CABIN1: variants seen among roughly 807,000 people sequenced by gnomAD.
The protein encoded by CABIN1 is calcineurin binding protein 1, also known as calcineurin-binding protein cabin-1.
CABIN1 carries 133 observed loss-of-function variants against 227.7 expected under a neutral mutation model. The observed-to-expected ratio is 0.58, with a 90% confidence interval of 0.51 to 0.67. CABIN1 has a LOEUF of 0.67. CABIN1 is among the 30% of genes least tolerant of loss of function. CABIN1 has a pLI of 0.00. For missense variants in CABIN1, 2,408 were observed against 2,852.5 expected (o/e 0.84, Z 3.55); for synonymous variants, 1,086 against 1,155.1 (o/e 0.94, Z 1.21).
At chr22:24,055,202 C>T (rs758085946) in intron 9 of CABIN1, 43 bp downstream of exon 9, 7 of 1,598,044 alleles carry the variant, frequency 4.4e-6, no homozygotes, top group Non-Finnish European at 5.9e-6. Context: ...AGACCCCGTT[C>T]ACTGAGCCCA....
chr22:24,083,606 A>G (rs2077131457), intron 20 of CABIN1, among the ~76,000 whole-genome samples: 1 of 152,176 alleles, frequency 6.6e-6, no homozygotes, highest in African/African-American at 2.4e-5. Context: ...AATGTTGACT[A>G]ATATGTAGAA....
chr22:24,119,608 C>A lies in CABIN1; in HGVS notation c.4542C>A (p.Ala1514=). 1 of 1,613,732 alleles carries A rather than the reference C, an allele frequency of 6.2e-7. No homozygotes were observed. The highest frequency in any genetic ancestry group is 1.1e-5 in the South Asian group (1 of 91,082). ...QRQFLTEQCI[A]SFRLCLSRFP... The stretch of plus-strand genomic sequence containing the variant: ...AGTTTCTCACAGAGCAGTGCATCGC[C>A]TCCTTCCGCCTGTGCCTGAGCCGCT... Residue 1514 remains alanine (A), a synonymous_variant, in exon 28 of 37, where the codon GCC becomes GCA. Coordinates refer to ENST00000263119, the MANE Select transcript of CABIN1 (RefSeq NM_012295.4).
intron 27 of CABIN1, among the ~76,000 whole-genome samples, chr22:24,114,425 A>C (rs1047364823): frequency 6.6e-5 from 10 of 151,974 alleles, no homozygotes; most frequent in African/African-American, 2.4e-4. Context: ...TTCCTCAAAC[A>C]GTAATAACAA....
Position 24,094,540 on chromosome 22 carries a change from G to A in CABIN1, c.3787-1391G>A, listed in dbSNP as rs371332373. On this transcript the variant is annotated intron_variant, in intron 24 of 36. Transcript: ENST00000263119. ...TGTGTTAAAAATGACATTTCTGGCC[G>A]GGCGCGGTGGCTCACGCCTGTAATT... Among the ~76,000 whole-genome samples the A allele has an allele frequency of 5.3e-5, 8 of 152,254 alleles. No homozygotes were observed. In the East Asian group the frequency reaches 5.8e-4, roughly 11 times the overall value.
intron 33 of CABIN1, among the ~76,000 whole-genome samples, chr22:24,169,937 C>T (rs1336630254): frequency 3.9e-5 from 6 of 152,198 alleles, no homozygotes; most frequent in African/African-American, 1.4e-4. Context: ...CAGAGATTTC[C>T]GTCAGAGACC....
At chr22:24,112,857 G>C (rs759942436) in intron 26 of CABIN1, among the ~76,000 whole-genome samples, 8 of 152,106 alleles carry the variant, frequency 5.3e-5, no homozygotes, top group Non-Finnish European at 1.2e-4. Context: ...GAAGGCTTCT[G>C]TTCCTCCAGG....
intron 27 of CABIN1, among the ~76,000 whole-genome samples, chr22:24,115,769 T>C (rs933584484): frequency 5.9e-5 from 9 of 152,190 alleles, no homozygotes; most frequent in African/African-American, 2.2e-4. Flanking sequence ...CAGTGTTGAG[T>C]GCGGGCCCCA....
At chr22:24,161,265 C>CT (rs1451165730) in intron 29 of CABIN1, among the ~76,000 whole-genome samples, 2 of 152,164 alleles carry the variant, frequency 1.3e-5, no homozygotes, top group African/African-American at 2.4e-5. Context: ...ATCTCAGTGT[C>CT]TTTAAGTCCT....
intron 19 of CABIN1, 95 bp from the exon 20 acceptor site, chr22:24,083,133 A>C: frequency 7.9e-7 from 1 of 1,269,982 alleles, no homozygotes; most frequent in South Asian, 1.2e-5. Context: ...AGGTTAAAAG[A>C]GTTGATAGAG....
chr22:24,031,048 G>A (rs1015041515), intron 1 of CABIN1, among the ~76,000 whole-genome samples: 12 of 152,216 alleles, frequency 7.9e-5, no homozygotes, highest in Admixed American at 6.5e-5. Context: ...CATGATGGCT[G>A]TATTGATGTT....
chr22:24,064,683 C>T (rs1168158712), intron 15 of CABIN1, among the ~76,000 whole-genome samples: 3 of 151,716 alleles, frequency 2.0e-5, no homozygotes, highest in Non-Finnish European at 4.4e-5. Context: ...GTGTTTGTGT[C>T]CCTGGGTACT....
Position 24,166,619 on chromosome 22 carries a change from T to C in CABIN1, c.5008-20T>C, listed in dbSNP as rs2046461669. 2 of 1,612,558 alleles carry C rather than the reference T, an allele frequency of 1.2e-6. No individual in the cohort carries two copies. Among genetic ancestry groups the C allele is most frequent in the African/African-American group, 2.7e-5 (2 of 74,948 alleles). ...TGGAGACACCAGCGACACAGCTTCT[T>C]ACCTTTGGTTTCTTTGTAGGGGTCA... On this transcript the variant is annotated intron_variant, in intron 31 of 36. Transcript: ENST00000263119.
intron 26 of CABIN1, among the ~76,000 whole-genome samples, chr22:24,101,465 C>T (rs2042195733): frequency 6.6e-6 from 1 of 152,152 alleles, no homozygotes; most frequent in Non-Finnish European, 1.5e-5. Flanking sequence ...TGGAATCAGC[C>T]CCTCAGGTCA....
chr22:24,166,028 T>C (rs1464976988), intron 31 of CABIN1, among the ~76,000 whole-genome samples: 1 of 152,154 alleles, frequency 6.6e-6, no homozygotes, highest in Non-Finnish European at 1.5e-5. Flanking sequence ...GCTGAGCACC[T>C]GGAGGAGGCC....
chr22:24,038,579 T>C (rs983576340), intron 4 of CABIN1, 118 bp downstream of exon 4: 22 of 738,274 alleles, frequency 3.0e-5, no homozygotes, highest in Middle Eastern at 3.6e-4. Context: ...CTTGAAAACA[T>C]TATTTCACCT....
intron 1 of CABIN1, among the ~76,000 whole-genome samples, chr22:24,020,187 G>T (rs767036027): frequency 6.6e-6 from 1 of 152,178 alleles, no homozygotes; most frequent in African/African-American, 2.4e-5. Flanking sequence ...ATTTTCCTGA[G>T]TATTTTTTAT....
intron 33 of CABIN1, among the ~76,000 whole-genome samples, chr22:24,169,978 G>A (rs1013640777): frequency 2.0e-5 from 3 of 152,130 alleles, no homozygotes; most frequent in African/African-American, 7.2e-5. Flanking sequence ...TATGGGGGTG[G>A]CCAGAGCCAG....
At chr22:24,032,137 A>G (rs543158150) in intron 1 of CABIN1, among the ~76,000 whole-genome samples, 4 of 152,342 alleles carry the variant, frequency 2.6e-5, no homozygotes, top group African/African-American at 9.6e-5. Context: ...CCCATTAAAC[A>G]GTAACTCTCT....
intron 8 of CABIN1, among the ~76,000 whole-genome samples, chr22:24,052,198 C>G (rs2038388052): frequency 6.6e-6 from 1 of 152,064 alleles, no homozygotes; most frequent in Non-Finnish European, 1.5e-5. Context: ...GGTGCCGTGG[C>G]CACCCTCCAT....
Sources: gnomAD v4.1 joint callset for allele counts (sites outside exome capture counted in the v4.1 genomes callset) on GRCh38, gnomAD v4.1.1 for gene constraint, MANE v1.5 for transcripts, NCBI Gene and HGNC (gene_info 2026-07-23, HGNC 2026-07-21) for gene names.